The following GSK3B variants were observed in gnomAD, a reference collection of about 807,000 sequenced individuals.
GSK3B encodes the protein glycogen synthase kinase-3 beta.
In GSK3B, 15 loss-of-function variants were observed where a neutral mutation model predicts 56.4. The observed-to-expected ratio is 0.27, with a 90% CI of 0.18 to 0.41. GSK3B has a LOEUF of 0.41. Among genes scored for constraint, GSK3B ranks in the 10% least tolerant of loss-of-function variants. The probability of loss-of-function intolerance (pLI) is 1.00; values close to 1 mark genes in which losing one functional copy is unlikely to be tolerated. For missense variants in GSK3B, 300 were observed against 513.4 expected (o/e 0.58, Z 4.02); for synonymous variants, 181 against 188.9 (o/e 0.96, Z 0.34).
rs1456699018 is a variant in GSK3B, at chr3:119,825,155, T to C, written c.*1633A>G. The C allele has an allele frequency of 5.1e-5, 11 of 217,296 alleles. No individual in the cohort carries two copies. The highest frequency in any genetic ancestry group is 1.0e-4 in the Non-Finnish European group (11 of 107,998). The allele number at this position is 217,296 out of a possible 1,614,324, so 13.5% of individuals were successfully genotyped here. ...ATCTTTAAATGTAAAGTACAACTGA[T>C]TGTGCCTTAAAGATTCATAGGTCAA... On this transcript the variant is annotated 3_prime_UTR_variant, in exon 11 of 11. Transcript: ENST00000264235.
At position 119,863,312 on chromosome 3, in the gene GSK3B, A is replaced by C. The variant is rs142521555; in HGVS notation, c.1096+107T>G. On this transcript the variant is annotated intron_variant, in intron 9 of 10. Transcript: ENST00000264235. ...GCTCTTTTCACCTACCTAAGTACTT[A>C]ATATGTCCGTTTTTGTCCTCCACAG... 2,938 of 861,244 alleles carry C rather than the reference A, an allele frequency of 3.4e-3. 8 individuals carry two copies. Among genetic ancestry groups the C allele is most frequent in the Non-Finnish European group, 4.6e-3 (2,362 of 518,226 alleles). The allele number at this position is 861,244 out of a possible 1,614,324, so 53.4% of individuals were successfully genotyped here. A position where few individuals can be genotyped will look rare whatever the true frequency, so the allele number is the denominator to read the frequency against.
intron 1 of GSK3B, among the ~76,000 whole-genome samples, chr3:120,021,921 C>T (rs1484654098): frequency 6.6e-6 from 1 of 152,110 alleles, no homozygotes; most frequent in Non-Finnish European, 1.5e-5. Context: ...GCTATAATGC[C>T]TGGGGTGCTG....
chr3:119,933,967 A>C (rs1481432279), intron 3 of GSK3B, among the ~76,000 whole-genome samples: 1 of 152,238 alleles, frequency 6.6e-6, no homozygotes, highest in Non-Finnish European at 1.5e-5. Context: ...CAAACCTGGG[A>C]CAATGTGGCC....
chr3:119,906,616 C>T (rs1361652778), intron 6 of GSK3B, among the ~76,000 whole-genome samples: 3 of 151,992 alleles, frequency 2.0e-5, no homozygotes, highest in South Asian at 2.1e-4. Context: ...AAAGTATTAT[C>T]GGATTAGAAG....
chr3:119,835,011 ATT>A (rs2055667841), intron 10 of GSK3B, among the ~76,000 whole-genome samples: 1 of 152,210 alleles, frequency 6.6e-6, no homozygotes, highest in African/African-American at 2.4e-5. Context: ...GTGTCAGTGA[ATT>A]TGTCAAAATG....
rs375640057 is a variant in GSK3B at position 119,941,739 on chromosome 3, T to C, written c.366+5529A>G. ...GTGTTAATTTATATGCCAGGTACTA[T>C]AATGAGCACGTGATAACCTTATTAC... On this transcript the variant is annotated intron_variant, in intron 3 of 10. Transcript: ENST00000264235. Among the ~76,000 whole-genome samples, 48 of 152,372 alleles carry C rather than the reference T, an allele frequency of 3.2e-4. 1 individual carries two copies. The East Asian group carries it at 4.2e-3, about 13-fold the overall frequency.
At chr3:119,980,019 T>A (rs576487390) in intron 2 of GSK3B, among the ~76,000 whole-genome samples, 37 of 152,248 alleles carry the variant, frequency 2.4e-4, no homozygotes, top group Non-Finnish European at 4.0e-4. Flanking sequence ...CTACTGAATC[T>A]TCTTCTGGTT....
intron 10 of GSK3B, among the ~76,000 whole-genome samples, chr3:119,834,299 C>G (rs1209458239): frequency 6.6e-6 from 1 of 152,110 alleles, no homozygotes; most frequent in Non-Finnish European, 1.5e-5. Flanking sequence ...GATAATTACT[C>G]ACAGAGAATC....
At chr3:120,070,233 CA>C (rs948762423) in intron 1 of GSK3B, among the ~76,000 whole-genome samples, 1 of 77,634 alleles carries the variant, frequency 1.3e-5, no homozygotes, top group South Asian at 3.8e-4. Flanking sequence ...CAAAACAAAA[CA>C]AAAAACAAAA....
intron 1 of GSK3B, among the ~76,000 whole-genome samples, chr3:120,026,115 A>C (rs2057920928): frequency 6.6e-6 from 1 of 152,118 alleles, no homozygotes; most frequent in Admixed American, 6.5e-5. Flanking sequence ...CCCCAAATAT[A>C]CCTATCATAT....
intron 1 of GSK3B, among the ~76,000 whole-genome samples, chr3:120,028,044 A>G (rs1453064472): frequency 6.6e-6 from 1 of 152,258 alleles, no homozygotes; most frequent in Non-Finnish European, 1.5e-5. Flanking sequence ...AAAATTGAGT[A>G]TAATCAGCAA....
chr3:119,942,555 T>C (rs181519443), intron 3 of GSK3B, among the ~76,000 whole-genome samples: 100 of 152,292 alleles, frequency 6.6e-4, no homozygotes, highest in African/African-American at 2.3e-3. Context: ...ATGCTGGGAT[T>C]ACAGGCGTGA....
Position 120,029,158 on chromosome 3 carries a change from A to T in GSK3B, c.89-26919T>A, listed in dbSNP as rs1559882931. 7.2e-6 allele frequency: 5 copies of T among 690,872 alleles called. No homozygotes were observed. The East Asian group carries it at 1.3e-4, about 18-fold the overall frequency. 42.8% of individuals were successfully genotyped at this position (690,872 alleles called of 1,614,324 possible). On this transcript the variant is annotated intron_variant, in intron 1 of 10. Transcript: ENST00000264235. Reference sequence around the variant, plus strand: ...TGATATAAAAGCTGACGGTTGGGATAGCATAAGATCACAAAAAAGAGACTT... The same window carrying T: ...TGATATAAAAGCTGACGGTTGGGATTGCATAAGATCACAAAAAAGAGACTT...
intron 2 of GSK3B, among the ~76,000 whole-genome samples, chr3:119,958,210 T>C (rs889542048): frequency 6.6e-6 from 1 of 152,164 alleles, no homozygotes; most frequent in African/African-American, 2.4e-5. Context: ...CCTTTCGCCA[T>C]GACTGTAAAT....
At chr3:119,887,965 A>G (rs938405724) in intron 7 of GSK3B, among the ~76,000 whole-genome samples, 5 of 152,138 alleles carry the variant, frequency 3.3e-5, no homozygotes, top group African/African-American at 9.7e-5. Context: ...AAGGAAAAAT[A>G]AACCCTGGAA....
chr3:120,016,036 C>T lies in GSK3B; in HGVS notation c.89-13797G>A, dbSNP rs539447538. 7.6e-4 allele frequency among the ~76,000 whole-genome samples: 116 copies of T among 152,236 alleles called. 4 individuals are homozygous for T. In the South Asian group the frequency reaches 0.022, roughly 29 times the overall value. On this transcript the variant is annotated intron_variant, in intron 1 of 10. Coordinates refer to ENST00000264235, the MANE Select transcript of GSK3B (RefSeq NM_001146156.2). ...ATTTACTCTGTTCCTAACCCTTTTC[C>T]AAATAATTCTGGTTTCTTTAGAGCA...
intron 4 of GSK3B, 53 bp downstream of exon 4, chr3:119,923,320 T>C: frequency 1.1e-6 from 1 of 886,292 alleles, no homozygotes; most frequent in South Asian, 1.4e-5. Context: ...GAGGCTCTCC[T>C]TGGTTCATAA....
At chr3:120,025,568 A>G (rs1181757128) in intron 1 of GSK3B, among the ~76,000 whole-genome samples, 3 of 152,244 alleles carry the variant, frequency 2.0e-5, no homozygotes, top group African/African-American at 7.2e-5. Flanking sequence ...AGTAGATGCC[A>G]CACATGAATA....
chr3:119,838,846 T>C (rs920242862), intron 10 of GSK3B, among the ~76,000 whole-genome samples: 8 of 152,226 alleles, frequency 5.3e-5, no homozygotes, highest in Admixed American at 1.3e-4. Flanking sequence ...ATCCCTAAAG[T>C]GGAATTACTG....
Sources: allele counts gnomAD v4.1 joint callset (sites outside exome capture counted in the v4.1 genomes callset), GRCh38; gene constraint gnomAD v4.1.1; transcripts MANE v1.5; gene names NCBI Gene and HGNC (gene_info 2026-07-23, HGNC 2026-07-21).